The following GRM5 variants were observed in gnomAD, a reference collection of about 807,000 sequenced individuals.
GRM5 encodes glutamate metabotropic receptor 5.
Under a neutral mutation model 83.1 loss-of-function variants are expected in GRM5, and 19 were observed. The observed-to-expected ratio is 0.23, with a 90% confidence interval of 0.16 to 0.34. GRM5 has a LOEUF of 0.34. GRM5 is among the 10% of genes least tolerant of loss of function. GRM5 has a pLI of 1.00. For missense variants in GRM5, 1,160 were observed against 1,588.3 expected, an observed-to-expected ratio of 0.73 and a Z score of 4.58; for synonymous variants, 675 against 633.6, an observed-to-expected ratio of 1.07 and a Z score of -0.98.
intron 2 of GRM5, among the ~76,000 whole-genome samples, chr11:89,001,421 A>G (rs1171402133): frequency 6.6e-6 from 1 of 152,160 alleles, no homozygotes; most frequent in Non-Finnish European, 1.5e-5. Flanking sequence ...AAATCACCAG[A>G]GAATAATGCT....
intron 1 of GRM5, among the ~76,000 whole-genome samples, chr11:89,064,037 T>C (rs1942052079): frequency 6.6e-6 from 1 of 152,284 alleles, no homozygotes; most frequent in East Asian, 1.9e-4. Flanking sequence ...ACATGGTAGG[T>C]CCCAGTTGTC....
At chr11:88,654,494 A>T (rs1191537626) in intron 3 of GRM5, among the ~76,000 whole-genome samples, 1 of 152,060 alleles carries the variant, frequency 6.6e-6, no homozygotes, top group African/African-American at 2.4e-5. Flanking sequence ...TAAAGGAAGT[A>T]TGGGGAAAGG....
intron 3 of GRM5, among the ~76,000 whole-genome samples, chr11:88,683,092 TA>T (rs1216117233): frequency 3.3e-5 from 5 of 152,188 alleles, no homozygotes; most frequent in African/African-American, 1.2e-4. Context: ...ATGTTATTAA[TA>T]AAATTTCTAT....
At chr11:88,914,667 CA>C (rs1945560286) in intron 2 of GRM5, among the ~76,000 whole-genome samples, 1 of 152,162 alleles carries the variant, frequency 6.6e-6, no homozygotes, top group Non-Finnish European at 1.5e-5. Context: ...AGGTAGGATC[CA>C]TATCTTATCC....
rs571101394 is a variant in GRM5, at chr11:88,971,265, G to A, written c.661+75947C>T. Among the ~76,000 whole-genome samples the A allele has an allele frequency of 2.0e-5, 3 of 152,190 alleles. No individual in the cohort carries two copies. In the South Asian group the frequency reaches 6.2e-4, roughly 32 times the overall value. ...GCATATTATTTGTATACATAGATTT[G>A]CTTTTTTAAATTTAACTGTTTTTAA... On this transcript the variant is annotated intron_variant, in intron 2 of 9. Coordinates refer to ENST00000305447, the MANE Select transcript of GRM5 (RefSeq NM_001143831.3).
intron 3 of GRM5, among the ~76,000 whole-genome samples, chr11:88,659,963 A>G (rs1459248342): frequency 1.3e-5 from 2 of 152,236 alleles, no homozygotes; most frequent in Non-Finnish European, 2.9e-5. Context: ...TGTAGCCCTG[A>G]AAATTGCATT....
chr11:88,876,541 G>A (rs1944856177), intron 2 of GRM5, among the ~76,000 whole-genome samples: 1 of 151,990 alleles, frequency 6.6e-6, no homozygotes, highest in African/African-American at 2.4e-5. Flanking sequence ...GGCACAAAAG[G>A]CCTAGACTGG....
intron 4 of GRM5, among the ~76,000 whole-genome samples, chr11:88,623,190 A>G (rs1938689679): frequency 6.6e-6 from 1 of 152,166 alleles, no homozygotes; most frequent in Non-Finnish European, 1.5e-5. Context: ...GGTTCAAGCG[A>G]TTCTCCTGCC....
intron 2 of GRM5, among the ~76,000 whole-genome samples, chr11:88,869,299 G>A (rs1483651217): frequency 1.3e-5 from 2 of 151,568 alleles, no homozygotes; most frequent in Non-Finnish European, 3.0e-5. Context: ...ACTGGGTCAT[G>A]AGTTTATGAA....
At chr11:89,041,674 T>G (rs1941538245) in intron 2 of GRM5, among the ~76,000 whole-genome samples, 1 of 152,218 alleles carries the variant, frequency 6.6e-6, no homozygotes, top group Non-Finnish European at 1.5e-5. Context: ...CAGAGCTATC[T>G]GTATTTTTTT....
chr11:88,668,292 A>AACACAC (rs1297146419), intron 3 of GRM5, among the ~76,000 whole-genome samples: 1 of 90,140 alleles, frequency 1.1e-5, no homozygotes, highest in Non-Finnish European at 2.3e-5. Context: ...CATCCCCAGA[A>AACACAC]ACTCGCACAC....
chr11:88,935,584 C>T (rs1937864810), intron 2 of GRM5, among the ~76,000 whole-genome samples: 1 of 151,824 alleles, frequency 6.6e-6, no homozygotes, highest in African/African-American at 2.4e-5. Context: ...GTGTAAACTT[C>T]CCCCATTAGG....
intron 2 of GRM5, among the ~76,000 whole-genome samples, chr11:88,992,956 G>A (rs559553756): frequency 4.5e-4 from 68 of 151,762 alleles, no homozygotes; most frequent in Middle Eastern, 3.4e-3. Context: ...CATGGCACAT[G>A]TATACATATG....
intron 7 of GRM5, among the ~76,000 whole-genome samples, chr11:88,569,974 C>T (rs1035594645): frequency 6.6e-6 from 1 of 151,692 alleles, no homozygotes; most frequent in Non-Finnish European, 1.5e-5. Flanking sequence ...GTAGTTCTTT[C>T]AAAATATGCC....
chr11:88,581,453 G>A (rs760756326), intron 7 of GRM5, among the ~76,000 whole-genome samples: 1 of 152,130 alleles, frequency 6.6e-6, no homozygotes, highest in Non-Finnish European at 1.5e-5. Context: ...TTGAACATGG[G>A]CATGTTTGAC....
chr11:88,570,169 G>A (rs940227062), intron 7 of GRM5, among the ~76,000 whole-genome samples: 9 of 152,180 alleles, frequency 5.9e-5, no homozygotes, highest in African/African-American at 2.2e-4. Flanking sequence ...AAGTCATAAT[G>A]GATTTAATAG....
intron 2 of GRM5, among the ~76,000 whole-genome samples, chr11:89,019,635 G>A (rs759956092): frequency 2.0e-5 from 3 of 152,062 alleles, no homozygotes; most frequent in Non-Finnish European, 2.9e-5. Context: ...AGCCCCGGAG[G>A]TGGAGACTGC....
At chr11:88,891,611 T>TAAG (rs1565279878) in intron 2 of GRM5, among the ~76,000 whole-genome samples, 8 of 53,720 alleles carry the variant, frequency 1.5e-4, no homozygotes, top group African/African-American at 4.6e-4. Flanking sequence ...TTCTAATGTC[T>TAAG]CATAATTAAT....
chr11:88,514,089 A>C (rs1303057656), intron 9 of GRM5, among the ~76,000 whole-genome samples: 1 of 152,272 alleles, frequency 6.6e-6, no homozygotes, highest in South Asian at 2.1e-4. Context: ...TGAAGGAGAA[A>C]GGGACAAGAT....
Sources: allele counts gnomAD v4.1 joint callset (sites outside exome capture counted in the v4.1 genomes callset), GRCh38; gene constraint gnomAD v4.1.1; transcripts MANE v1.5; gene names NCBI Gene and HGNC (gene_info 2026-07-23, HGNC 2026-07-21).